UBAP2: variants seen among roughly 807,000 people sequenced by gnomAD.
UBAP2 encodes the protein ubiquitin associated protein 2.
UBAP2 carries 75 observed loss-of-function variants against 139.6 expected under a neutral mutation model. That is an observed-to-expected ratio of 0.54 (90% CI 0.45 to 0.65). The LOEUF is 0.65. Ranked by LOEUF, UBAP2 falls within the 30% of genes least tolerant of loss-of-function variation. UBAP2 has a pLI of 0.00. For missense variants in UBAP2, 1,368 were observed against 1,369.6 expected, an observed-to-expected ratio of 1.00 and a Z score of 0.02; for synonymous variants, 526 against 526.2, an observed-to-expected ratio of 1.00 and a Z score of 0.01.
At chr9:34,038,589 A>G (rs1460852697) in intron 1 of UBAP2, among the ~76,000 whole-genome samples, 3 of 152,018 alleles carry the variant, frequency 2.0e-5, no homozygotes, top group Non-Finnish European at 2.9e-5. Flanking sequence ...TCAGTGCTCA[A>G]TGTTGCCCAG....
At chr9:34,003,676 G>A (rs1193464012) in intron 2 of UBAP2, among the ~76,000 whole-genome samples, 3 of 151,774 alleles carry the variant, frequency 2.0e-5, no homozygotes, top group African/African-American at 7.3e-5. Context: ...CAAAGTGCTG[G>A]GATTACAGGC....
intron 6 of UBAP2, among the ~76,000 whole-genome samples, chr9:33,985,032 A>G (rs566920480): frequency 1.3e-4 from 20 of 152,330 alleles, no homozygotes; most frequent in African/African-American, 4.8e-4. Flanking sequence ...AAACTGGTAC[A>G]GCCATTTTGG....
intron 1 of UBAP2, among the ~76,000 whole-genome samples, chr9:34,029,059 T>G (rs920539034): frequency 6.6e-6 from 1 of 152,104 alleles, no homozygotes; most frequent in Admixed American, 6.6e-5. Flanking sequence ...AAGGCTGCAG[T>G]GTGCTATGAT....
chr9:34,048,383 G>C (rs1388849505), intron 1 of UBAP2, among the ~76,000 whole-genome samples: 1 of 152,196 alleles, frequency 6.6e-6, no homozygotes, highest in Non-Finnish European at 1.5e-5. Context: ...GCATAAGTTG[G>C]GGCTATAACA....
At chr9:33,970,642 C>T (rs1827847214) in intron 8 of UBAP2, among the ~76,000 whole-genome samples, 1 of 152,070 alleles carries the variant, frequency 6.6e-6, no homozygotes, top group Non-Finnish European at 1.5e-5. Flanking sequence ...CTATGTTAAC[C>T]AGGCTCGTCT....
intron 1 of UBAP2, among the ~76,000 whole-genome samples, chr9:34,017,930 A>C (rs1458949418): frequency 2.6e-5 from 4 of 152,142 alleles, no homozygotes; most frequent in African/African-American, 7.2e-5. Flanking sequence ...CCGTCTCAAA[A>C]AAAAAAAAAA....
At chr9:34,021,727 G>C (rs946551503) in intron 1 of UBAP2, among the ~76,000 whole-genome samples, 2 of 150,222 alleles carry the variant, frequency 1.3e-5, no homozygotes, top group Non-Finnish European at 2.9e-5. Context: ...TCCGTCTCCC[G>C]GGTTCAGGCG....
intron 6 of UBAP2, among the ~76,000 whole-genome samples, chr9:33,980,220 CTTTTTTTTTTTTTTTTT>C (rs1173781682): frequency 4.1e-5 from 2 of 49,088 alleles, no homozygotes; most frequent in Non-Finnish European, 7.3e-5. Flanking sequence ...AGTGTCATTT[CTTTTTTTTTTTTTTTTT>C]TTTTTTTTTT....
chr9:34,024,509 A>G (rs1276194198), intron 1 of UBAP2, among the ~76,000 whole-genome samples: 1 of 152,192 alleles, frequency 6.6e-6, no homozygotes, highest in Non-Finnish European at 1.5e-5. Context: ...TTCCCTATTC[A>G]TAAAAAGTCT....
At chr9:33,930,394 G>A (rs765907946) in intron 19 of UBAP2, among the ~76,000 whole-genome samples, 1 of 151,998 alleles carries the variant, frequency 6.6e-6, no homozygotes, top group Admixed American at 6.6e-5. Flanking sequence ...GACTGAAAAC[G>A]ACCCTAAATG....
intron 8 of UBAP2, among the ~76,000 whole-genome samples, chr9:33,969,593 A>G (rs1212026724): frequency 6.6e-6 from 1 of 151,322 alleles, no homozygotes; most frequent in African/African-American, 2.4e-5. Context: ...AAGGTGGGGC[A>G]CGGTGGCTTA....
At chr9:34,006,916 G>T (rs1823269475) in intron 2 of UBAP2, among the ~76,000 whole-genome samples, 1 of 152,094 alleles carries the variant, frequency 6.6e-6, no homozygotes, top group Non-Finnish European at 1.5e-5. Context: ...TTTACTAAAT[G>T]GCCAAAGGAG....
intron 3 of UBAP2, chr9:33,996,598 C>T: frequency 2.8e-6 from 1 of 357,680 alleles, no homozygotes; most frequent in Non-Finnish European, 5.1e-6. Flanking sequence ...GCAGCACACA[C>T]ATACGTACCA....
At chr9:33,933,337 C>T (rs1824168069) in intron 18 of UBAP2, among the ~76,000 whole-genome samples, 153 bp downstream of exon 18, 1 of 152,186 alleles carries the variant, frequency 6.6e-6, no homozygotes, top group Admixed American at 6.5e-5. Context: ...AAGGAACAAC[C>T]TGGCCAAAAC....
At chr9:33,964,101 T>TA (rs924464222) in intron 8 of UBAP2, among the ~76,000 whole-genome samples, 1 of 152,194 alleles carries the variant, frequency 6.6e-6, no homozygotes, top group Non-Finnish European at 1.5e-5. Flanking sequence ...AGAAAATTTA[T>TA]AAATTAGCCT....
intron 1 of UBAP2, among the ~76,000 whole-genome samples, chr9:34,045,269 C>T (rs1827473864): frequency 6.6e-6 from 1 of 151,498 alleles, no homozygotes; most frequent in African/African-American, 2.4e-5. Flanking sequence ...TGGCATGAAC[C>T]CAGAAGGCGG....
chr9:34,029,401 T>C (rs1241526530), intron 1 of UBAP2, among the ~76,000 whole-genome samples: 2 of 150,708 alleles, frequency 1.3e-5, no homozygotes, highest in Non-Finnish European at 3.0e-5. Flanking sequence ...TGGTGGCGGG[T>C]ACCTATAATC....
At chr9:33,926,911 C>G (rs1248852264) in intron 21 of UBAP2, 78 bp downstream of exon 21, 9 of 1,443,908 alleles carry the variant, frequency 6.2e-6, no homozygotes, top group Non-Finnish European at 7.8e-6. Flanking sequence ...AACCTGGGCC[C>G]AACGCCAGGT....
chr9:33,989,300 C>T (rs1373215831), intron 4 of UBAP2, among the ~76,000 whole-genome samples, 174 bp from the exon 5 acceptor site: 1 of 151,562 alleles, frequency 6.6e-6, no homozygotes. Context: ...CTCCCAGGTT[C>T]ACAACATTCT....
Sources: gnomAD v4.1 joint callset for allele counts (sites outside exome capture counted in the v4.1 genomes callset) on GRCh38, gnomAD v4.1.1 for gene constraint, MANE v1.5 for transcripts, NCBI Gene and HGNC (gene_info 2026-07-23, HGNC 2026-07-21) for gene names.